The following PLAC1 variants were observed in gnomAD, a reference collection of about 807,000 sequenced individuals.
PLAC1 encodes the protein placenta associated 1.
For missense variants in PLAC1, 136 were observed against 163.2 expected (o/e 0.83, Z 0.91); for synonymous variants, 68 against 62.1 (o/e 1.09, Z -0.44).
upstream of PLAC1, among the ~76,000 whole-genome samples, chrX:134,661,462 A>G (rs1184171278): frequency 9.0e-6 from 1 of 111,412 alleles, no homozygotes; most frequent in African/African-American, 3.3e-5. Flanking sequence ...AGCCTTGGAA[A>G]GCTATTTTAA....
intron 2 of PLAC1, among the ~76,000 whole-genome samples, chrX:134,685,081 G>C (rs1177425162): frequency 1.8e-5 from 2 of 112,369 alleles, no homozygotes; most frequent in Non-Finnish European, 3.8e-5. Flanking sequence ...CTCTACAGAG[G>C]AGTAGCTTTA....
At chrX:134,617,334 G>T (rs773563803) in intron 1 of PLAC1, among the ~76,000 whole-genome samples, 2 of 111,718 alleles carry the variant, frequency 1.8e-5, no homozygotes, top group South Asian at 7.6e-4. Flanking sequence ...AAGGTGTGTG[G>T]TTGCTCTGGC....
chrX:134,586,670 CTT>C (rs765675891), intron 2 of PLAC1, among the ~76,000 whole-genome samples: 3 of 91,048 alleles, frequency 3.3e-5, no homozygotes, highest in Admixed American at 2.4e-4. Context: ...TTTTTCTTTT[CTT>C]TTTTTTTTTT....
intron 2 of PLAC1, among the ~76,000 whole-genome samples, chrX:134,725,355 T>C (rs1451866638): frequency 9.0e-6 from 1 of 110,834 alleles, no homozygotes. Flanking sequence ...CCAGGTTATA[T>C]AGTGGGAGAG....
intron 2 of PLAC1, among the ~76,000 whole-genome samples, chrX:134,722,036 C>T (rs2078659759): frequency 9.0e-6 from 1 of 110,852 alleles, no homozygotes; most frequent in Non-Finnish European, 1.9e-5. Flanking sequence ...CCATATGACC[C>T]AGTAAGAGAA....
At chrX:134,729,916 C>A (rs961159244) in intron 2 of PLAC1, among the ~76,000 whole-genome samples, 7 of 110,860 alleles carry the variant, frequency 6.3e-5, no homozygotes, top group Non-Finnish European at 1.3e-4. Context: ...CTTAGCCTCC[C>A]AAGTAGCTGG....
chrX:134,676,106 TTCTAC>T (rs2078473697), intron 2 of PLAC1, among the ~76,000 whole-genome samples: 1 of 112,253 alleles, frequency 8.9e-6, no homozygotes. Flanking sequence ...CGTACAGTCA[TTCTAC>T]TAAGGAAACT....
chrX:134,656,884 G>A (rs1197256293), intron 1 of PLAC1, among the ~76,000 whole-genome samples: 1 of 111,670 alleles, frequency 9.0e-6, no homozygotes, highest in Non-Finnish European at 1.9e-5. Flanking sequence ...ACCATGCCCA[G>A]CCTTTTTTTT....
chrX:134,726,821 CAA>C (rs749819041), intron 2 of PLAC1, among the ~76,000 whole-genome samples: 5 of 42,813 alleles, frequency 1.2e-4, no homozygotes, highest in Non-Finnish European at 1.5e-4. Flanking sequence ...GACTCTGTCT[CAA>C]AAAAAAAAAA....
intron 2 of PLAC1, among the ~76,000 whole-genome samples, chrX:134,597,555 T>G (rs1481191028): frequency 8.9e-6 from 1 of 112,358 alleles, no homozygotes; most frequent in Non-Finnish European, 1.9e-5. Context: ...AACTGAATAC[T>G]GTTCATTTTG....
chrX:134,632,654 G>A (rs923256645), intron 1 of PLAC1, among the ~76,000 whole-genome samples: 2 of 111,883 alleles, frequency 1.8e-5, no homozygotes, highest in Non-Finnish European at 3.8e-5. Context: ...TGCTGACCAC[G>A]TGTTAAACCC....
chrX:134,581,480 T>TTTC (rs1181496234), intron 2 of PLAC1, among the ~76,000 whole-genome samples: 2 of 87,252 alleles, frequency 2.3e-5, no homozygotes, highest in Non-Finnish European at 4.6e-5. Flanking sequence ...CAGACTCTTT[T>TTTC]TTTTTTTTTT....
intron 2 of PLAC1, chrX:134,599,452 C>T (rs2078078488): frequency 8.9e-6 from 1 of 111,734 alleles, no homozygotes; most frequent in Non-Finnish European, 1.9e-5. Flanking sequence ...CCTGCCACCA[C>T]ATGAAGAAAG....
chrX:134,754,988 TAAG>T (rs1169882497), intron 1 of PLAC1, among the ~76,000 whole-genome samples: 1 of 111,421 alleles, frequency 9.0e-6, no homozygotes, highest in East Asian at 2.8e-4. Flanking sequence ...TATAGAAACA[TAAG>T]AAAGCAGGCC....
intron 2 of PLAC1, among the ~76,000 whole-genome samples, chrX:134,586,617 T>G (rs1288180603): frequency 9.2e-6 from 1 of 109,038 alleles, no homozygotes; most frequent in Non-Finnish European, 1.9e-5. Context: ...TGCCGCCTTC[T>G]CCCTCTCCTC....
At chrX:134,674,655 G>T (rs1249954257) in intron 2 of PLAC1, among the ~76,000 whole-genome samples, 1 of 112,444 alleles carries the variant, frequency 8.9e-6, no homozygotes, top group Non-Finnish European at 1.9e-5. Flanking sequence ...GGTTGGCTGG[G>T]TCCTCCACTT....
At chrX:134,589,517 AC>A (rs2078023871) in intron 2 of PLAC1, among the ~76,000 whole-genome samples, 1 of 109,864 alleles carries the variant, frequency 9.1e-6, no homozygotes, top group African/African-American at 3.3e-5. Flanking sequence ...ACTTGAGGTC[AC>A]GAGTTCGAGA....
chrX:134,662,045 C>T (rs747644450), upstream of PLAC1, among the ~76,000 whole-genome samples: 5 of 111,645 alleles, frequency 4.5e-5, no homozygotes, highest in Non-Finnish European at 7.5e-5. Context: ...TCCAGACCAG[C>T]CTGGGCAACA....
Position 134,566,538 on chromosome X carries a change from A to G in PLAC1, c.145T>C (p.Cys49Arg), listed in dbSNP as rs765382145. The change falls in exon 3 of 3, where the codon TGT (cysteine) becomes CGT (arginine). Residue 49 changes from cysteine (C) to arginine (R), a missense_variant. Cys to Arg is a radical substitution (Grantham distance 180). Coordinates refer to ENST00000359237, the MANE Select transcript of PLAC1 (RefSeq NM_021796.4). Reference protein sequence around the residue: ...VHPFMLNNDVCVHFHELHLGL... With the variant: ...VHPFMLNNDVRVHFHELHLGL... ...AAGTGTAGTTCATGAAAGTGTACAC[A>G]CACATCGTTGTTTAGCATGAAGGGG... 6.6e-6 allele frequency: 8 copies of G among 1,210,504 alleles called. No individual in the cohort carries two copies.
Sources: gnomAD v4.1 joint callset for allele counts (sites outside exome capture counted in the v4.1 genomes callset) on GRCh38, gnomAD v4.1.1 for gene constraint, MANE v1.5 for transcripts, NCBI Gene and HGNC (gene_info 2026-07-23, HGNC 2026-07-21) for gene names.